The following SLC4A5 variants were observed in gnomAD, a reference collection of about 807,000 sequenced individuals.
The protein encoded by SLC4A5 is solute carrier family 4 member 5, also known as electrogenic sodium bicarbonate cotransporter 4.
In SLC4A5, 96 loss-of-function variants were observed where a neutral mutation model predicts 120.4. That is an observed-to-expected ratio of 0.80 (90% CI 0.68 to 0.94). SLC4A5 has a LOEUF of 0.94. Ranked by LOEUF, SLC4A5 falls within the 40% of genes least tolerant of loss-of-function variation. The pLI is 0.00. For missense variants in SLC4A5, 1,259 were observed against 1,459.5 expected (o/e 0.86, Z 2.24); for synonymous variants, 550 against 571.1 (o/e 0.96, Z 0.53).
intron 11 of SLC4A5, among the ~76,000 whole-genome samples, chr2:74,260,361 C>T (rs566168940): frequency 1.3e-5 from 2 of 152,182 alleles, no homozygotes; most frequent in East Asian, 1.9e-4. Flanking sequence ...ATCCCAGGGC[C>T]TTGTCTTTGC....
intron 12 of SLC4A5, 80 bp downstream of exon 12, chr2:74,259,508 T>C (rs1178881776): frequency 5.3e-5 from 78 of 1,463,788 alleles, no homozygotes; most frequent in Non-Finnish European, 6.8e-5. Flanking sequence ...ACTCTGCCCA[T>C]AGGGGATCCC....
chr2:74,219,436 C>T (rs183383171), intron 30 of SLC4A5, among the ~76,000 whole-genome samples: 154 of 150,486 alleles, frequency 1.0e-3, no homozygotes, highest in Middle Eastern at 0.01. Flanking sequence ...GATTAAGCAT[C>T]GCACCTGGTA....
intron 5 of SLC4A5, among the ~76,000 whole-genome samples, chr2:74,322,958 G>C (rs1428244736): frequency 6.6e-6 from 1 of 152,214 alleles, no homozygotes; most frequent in Non-Finnish European, 1.5e-5. Context: ...AAGATAATGG[G>C]CAGGGTGCGG....
chr2:74,323,415 A>T (rs1222154603), intron 5 of SLC4A5, among the ~76,000 whole-genome samples: 2 of 152,192 alleles, frequency 1.3e-5, no homozygotes, highest in African/African-American at 2.4e-5. Flanking sequence ...GAAGTTCTTT[A>T]AAAAAGTTAC....
chr2:74,239,157 C>T (rs1464450853), intron 21 of SLC4A5, among the ~76,000 whole-genome samples, 178 bp downstream of exon 21: 1 of 152,136 alleles, frequency 6.6e-6, no homozygotes, highest in African/African-American at 2.4e-5. Context: ...CTGACAATAC[C>T]AAGTGTTGTC....
intron 8 of SLC4A5, among the ~76,000 whole-genome samples, chr2:74,278,992 CT>C (rs572151065): frequency 5.4e-4 from 82 of 152,338 alleles, no homozygotes; most frequent in Middle Eastern, 3.4e-3. Flanking sequence ...CCTCAACTCC[CT>C]GCTAGGAGCC....
At chr2:74,310,936 C>CT (rs1004124079) in intron 6 of SLC4A5, among the ~76,000 whole-genome samples, 1,763 of 136,958 alleles carry the variant, frequency 0.013, 14 homozygotes, top group African/African-American at 0.024. Flanking sequence ...GCCTGTTGCT[C>CT]TTTTTTTTTT....
At chr2:74,243,642 C>T (rs900496005) in intron 19 of SLC4A5, among the ~76,000 whole-genome samples, 3 of 152,344 alleles carry the variant, frequency 2.0e-5, no homozygotes, top group South Asian at 2.1e-4. Flanking sequence ...TCCTGGCTGA[C>T]GCTTGAGCCT....
intron 27 of SLC4A5, 140 bp downstream of exon 27, chr2:74,226,817 G>C: frequency 1.0e-6 from 1 of 959,048 alleles, no homozygotes; most frequent in East Asian, 2.4e-5. Context: ...AGGTCATTCT[G>C]TGCCAGCCTC....
At chr2:74,341,102 C>T (rs570058574) in intron 2 of SLC4A5, among the ~76,000 whole-genome samples, 1 of 151,958 alleles carries the variant, frequency 6.6e-6, no homozygotes, top group Non-Finnish European at 1.5e-5. Flanking sequence ...GTCAGGAGTT[C>T]GAGACCAGCC....
At chr2:74,337,668 T>G (rs898234909) in intron 3 of SLC4A5, among the ~76,000 whole-genome samples, 5 of 152,194 alleles carry the variant, frequency 3.3e-5, no homozygotes. Context: ...GGCAGCAACT[T>G]AAATCATTCG....
At chr2:74,274,031 T>A (rs1410587720) in intron 8 of SLC4A5, among the ~76,000 whole-genome samples, 1 of 152,232 alleles carries the variant, frequency 6.6e-6, no homozygotes, top group Non-Finnish European at 1.5e-5. Flanking sequence ...CAGGCGTGGT[T>A]GTGCATGCCT....
intron 16 of SLC4A5, among the ~76,000 whole-genome samples, chr2:74,251,012 T>C (rs1223958457): frequency 6.6e-6 from 1 of 152,216 alleles, no homozygotes; most frequent in Non-Finnish European, 1.5e-5. Context: ...GAGTGGAAGA[T>C]TTTAGGTTTG....
Position 74,308,918 on chromosome 2 carries a change from A to AT in SLC4A5, c.80-4239dup, listed in dbSNP as rs138962975. Among the ~76,000 whole-genome samples the AT allele has an allele frequency of 3.8e-3, 547 of 144,226 alleles. 3 individuals carry two copies. Among genetic ancestry groups the AT allele is most frequent in the Middle Eastern group, 0.018 (5 of 278 alleles). 94.6% of individuals were successfully genotyped at this position (144,226 alleles called of 152,430 possible). ...TGAAAGGTGTAAGGACTATGTCTGA[A>AT]TTTTTTTTTTTTTTGAGACAGAGTC... On this transcript the variant is annotated intron_variant, in intron 6 of 30. Transcript: ENST00000394019.
intron 13 of SLC4A5, 21 bp from the exon 14 acceptor site, chr2:74,254,727 G>T: frequency 1.3e-6 from 2 of 1,551,714 alleles, no homozygotes; most frequent in Non-Finnish European, 8.9e-7. Context: ...GATGGAGGAG[G>T]AGACAGAGAA....
At chr2:74,307,366 C>T (rs897015667) in intron 6 of SLC4A5, 9 of 612,898 alleles carry the variant, frequency 1.5e-5, no homozygotes, top group African/African-American at 3.7e-5. Context: ...ACTTCCTCTT[C>T]GTGGTTCTTC....
exon 31 of SLC4A5, chr2:74,216,878 G>A (rs193213325): frequency 1.3e-5 from 2 of 152,284 alleles, no homozygotes; most frequent in African/African-American, 4.8e-5. Flanking sequence ...CCAAGTAGCG[G>A]GATTACAGGT....
intron 28 of SLC4A5, among the ~76,000 whole-genome samples, chr2:74,224,421 G>T (rs1337493341): frequency 6.6e-6 from 1 of 152,134 alleles, no homozygotes; most frequent in East Asian, 1.9e-4. Context: ...TGCCTGTCTG[G>T]AGTCCAGTCT....
At chr2:74,300,987 G>C (rs2104242372) in intron 7 of SLC4A5, among the ~76,000 whole-genome samples, 1 of 152,220 alleles carries the variant, frequency 6.6e-6, no homozygotes, top group East Asian at 1.9e-4. Flanking sequence ...AATTTCTTTA[G>C]GATAGTGTAT....
Sources: allele counts gnomAD v4.1 joint callset (sites outside exome capture counted in the v4.1 genomes callset), GRCh38; gene constraint gnomAD v4.1.1; transcripts MANE v1.5; gene names NCBI Gene and HGNC (gene_info 2026-07-23, HGNC 2026-07-21).